Variants in NOL4L observed in about 807,000 individuals in gnomAD.
NOL4L encodes the protein nucleolar protein 4-like.
In NOL4L, 7 loss-of-function variants were observed where a neutral mutation model predicts 64.5. The observed-to-expected ratio is 0.11, with a 90% CI of 0.06 to 0.20. NOL4L has a LOEUF of 0.20. Among genes scored for constraint, NOL4L ranks in the 10% least tolerant of loss-of-function variants. The pLI, the probability that NOL4L is intolerant of heterozygous loss-of-function variation, is 1.00. For synonymous variants in NOL4L, 413 were observed against 401.0 expected (o/e 1.03, Z -0.36); for missense variants, 680 against 967.1 (o/e 0.70, Z 3.94).
chr20:32,568,350 G>A (rs550415919), intron 1 of NOL4L, among the ~76,000 whole-genome samples: 2 of 152,290 alleles, frequency 1.3e-5, no homozygotes, highest in Admixed American at 1.3e-4. Flanking sequence ...CTTTGTGCAG[G>A]GCAAAGCAGC....
rs561145292 is a variant in NOL4L, at chr20:32,523,629, C to T, written c.478-2707G>A. ...ACCCTGTTCTAGAAATAGACTCATACACTGAAGCCCAAAACATGAAACAGA... is the reference window on the plus strand; with the variant it reads ...ACCCTGTTCTAGAAATAGACTCATATACTGAAGCCCAAAACATGAAACAGA... On this transcript the variant is annotated intron_variant, in intron 2 of 10. Coordinates refer to ENST00000621426, the MANE Select transcript of NOL4L (RefSeq NM_001256798.2). Among the ~76,000 whole-genome samples, 4 of 152,306 alleles carry T rather than the reference C, an allele frequency of 2.6e-5. No individual in the cohort carries two copies. In the South Asian group the frequency reaches 8.3e-4, roughly 32 times the overall value.
In NOL4L at chr20:32,444,347, CA is replaced by C. The variant is rs1286730198; in HGVS notation, c.*3248del. On this transcript the variant is annotated 3_prime_UTR_variant, in exon 11 of 11. Coordinates refer to ENST00000621426, the MANE Select transcript of NOL4L (RefSeq NM_001256798.2). ...CTTTACTATTTTGTAAAAAGTTTTA[CA>C]AAAAATTACAAATTAAAAGTATCAA... 6.6e-6 allele frequency: 1 copy of C among 152,080 alleles called. No individual in the cohort carries two copies. The highest frequency in any genetic ancestry group is 1.5e-5 in the Non-Finnish European group (1 of 68,006). 9.4% of individuals were successfully genotyped at this position (152,080 alleles called of 1,614,324 possible).
In NOL4L at chr20:32,443,338, ACT is replaced by A. The variant is rs1439167316; in HGVS notation, c.*4256_*4257del. 6.6e-6 allele frequency: 1 copy of A among 152,244 alleles called. No homozygotes were observed. Among genetic ancestry groups the A allele is most frequent in the Non-Finnish European group, 1.5e-5 (1 of 68,048 alleles). The allele number at this position is 152,244 out of a possible 1,614,324, so 9.4% of individuals were successfully genotyped here. A position where few individuals can be genotyped will look rare whatever the true frequency, so the allele number is the denominator to read the frequency against. ...ATATTAAGCCACATTTACTGGTAAA[ACT>A]CACTATATAGAACACAAATAATTTT... On this transcript the variant is annotated 3_prime_UTR_variant, in exon 11 of 11. Transcript: ENST00000621426.
intron 2 of NOL4L, among the ~76,000 whole-genome samples, chr20:32,524,335 A>G (rs369058760): frequency 6.6e-6 from 1 of 152,110 alleles, no homozygotes; most frequent in Non-Finnish European, 1.5e-5. Flanking sequence ...GAATCCCTGC[A>G]TTATCCATTG....
At chr20:32,566,215 C>G (rs1418591224) in intron 1 of NOL4L, among the ~76,000 whole-genome samples, 1 of 152,170 alleles carries the variant, frequency 6.6e-6, no homozygotes, top group African/African-American at 2.4e-5. Flanking sequence ...GACACTGAAG[C>G]TCAGAGAGTG....
intron 4 of NOL4L, among the ~76,000 whole-genome samples, chr20:32,500,946 G>C (rs2016900070): frequency 6.6e-6 from 1 of 152,150 alleles, no homozygotes; most frequent in Non-Finnish European, 1.5e-5. Flanking sequence ...AAGTGGGGGA[G>C]GAGAAACAAA....
chr20:32,498,943 A>G (rs2016807585), intron 4 of NOL4L, among the ~76,000 whole-genome samples: 1 of 152,004 alleles, frequency 6.6e-6, no homozygotes, highest in Non-Finnish European at 1.5e-5. Context: ...GCAGTGGTGC[A>G]ATCTCAGCTC....
At chr20:32,467,555 G>T (rs987997500) in intron 5 of NOL4L, among the ~76,000 whole-genome samples, 1 of 152,220 alleles carries the variant, frequency 6.6e-6, no homozygotes, top group Admixed American at 6.5e-5. Flanking sequence ...AGGGGACCAA[G>T]GGAGACCAGG....
intron 2 of NOL4L, among the ~76,000 whole-genome samples, chr20:32,524,766 G>T (rs2018068685): frequency 6.6e-6 from 1 of 152,194 alleles, no homozygotes; most frequent in African/African-American, 2.4e-5. Context: ...TGGGGCTGAA[G>T]AGCTAGGTAT....
chr20:32,473,088 A>G (rs372868059), intron 5 of NOL4L, among the ~76,000 whole-genome samples: 2 of 152,306 alleles, frequency 1.3e-5, no homozygotes, highest in African/African-American at 4.8e-5. Context: ...TCCAAGAGAG[A>G]TCACGCTCTC....
Position 32,444,464 on chromosome 20 carries a change from A to G in NOL4L, c.*3132T>C, listed in dbSNP as rs2012247869. ...TTGTAAGTGGCCCTTGGGAATAGGG[A>G]TGGATGGGTTCCACCTGTTTGAAAT... On this transcript the variant is annotated 3_prime_UTR_variant, in exon 11 of 11. Coordinates refer to ENST00000621426, the MANE Select transcript of NOL4L (RefSeq NM_001256798.2). 2 of 152,198 alleles carry G rather than the reference A, an allele frequency of 1.3e-5. No individual in the cohort carries two copies. The highest frequency in any genetic ancestry group is 1.3e-4 in the Admixed American group (2 of 15,278). The allele number at this position is 152,198 out of a possible 1,614,324, so 9.4% of individuals were successfully genotyped here.
intron 10 of NOL4L, among the ~76,000 whole-genome samples, chr20:32,451,237 A>G (rs1339800028): frequency 2.0e-5 from 3 of 152,200 alleles, no homozygotes; most frequent in African/African-American, 7.2e-5. Flanking sequence ...ACGACCCCCA[A>G]AGCACATGGC....
intron 4 of NOL4L, among the ~76,000 whole-genome samples, chr20:32,504,567 A>AAG (rs1555799783): frequency 3.3e-5 from 5 of 151,422 alleles, no homozygotes; most frequent in South Asian, 2.1e-4. Flanking sequence ...CAAAAAAAAA[A>AAG]AAAGAAAGAA....
At chr20:32,521,689 G>A (rs112796358) in intron 2 of NOL4L, among the ~76,000 whole-genome samples, 5 of 152,302 alleles carry the variant, frequency 3.3e-5, no homozygotes, top group African/African-American at 1.2e-4. Flanking sequence ...GGGTGGGGGA[G>A]TGGGGAAGAA....
chr20:32,584,101 C>CG (rs1340152048), intron 1 of NOL4L, among the ~76,000 whole-genome samples: 3 of 141,314 alleles, frequency 2.1e-5, no homozygotes, highest in Admixed American at 1.4e-4. Context: ...TCCCTCCCCC[C>CG]CCCCCACCCC....
intron 4 of NOL4L, among the ~76,000 whole-genome samples, chr20:32,483,931 G>A (rs1411873395): frequency 1.3e-5 from 2 of 150,926 alleles, no homozygotes; most frequent in Non-Finnish European, 3.0e-5. Flanking sequence ...CGCTCTTAAG[G>A]GGGAAGCGCT....
At chr20:32,532,044 G>A (rs1036366573) in intron 1 of NOL4L, among the ~76,000 whole-genome samples, 1 of 152,220 alleles carries the variant, frequency 6.6e-6, no homozygotes, top group African/African-American at 2.4e-5. Context: ...CATGTGGCCT[G>A]TCTCTTCCCA....
intron 1 of NOL4L, chr20:32,548,493 C>T (rs1484198208): frequency 6.5e-6 from 1 of 154,948 alleles, no homozygotes; most frequent in African/African-American, 2.4e-5. Flanking sequence ...TCGGATAGAT[C>T]ATGTGAACTG....
In NOL4L at chr20:32,453,319, C is replaced by T. The variant is rs2013126348; in HGVS notation, c.1482G>A (p.Lys494=). 1.2e-6 allele frequency: 2 copies of T among 1,613,734 alleles called. No homozygotes were observed. Among genetic ancestry groups the T allele is most frequent in the South Asian group, 1.1e-5 (1 of 91,072 alleles). Residue 494 remains lysine (K), a synonymous_variant, in exon 8 of 11, where the codon AAG becomes AAA. Coordinates refer to ENST00000621426, the MANE Select transcript of NOL4L (RefSeq NM_001256798.2). This position sits in a 1 kb window ranked among gnomAD's most constrained non-coding sequence, Gnocchi z 5.6. ...GGGGACTCACCATCTCCATGCCGTT[C>T]TTCTTCATGCGACGGCAGGACTTGA... The part of the protein sequence containing the change: ...TYLKSCRRMK[K]NGMEMTRPTP...
Sources: gnomAD v4.1 joint callset for allele counts (sites outside exome capture counted in the v4.1 genomes callset) on GRCh38, gnomAD v4.1.1 for gene constraint, Gnocchi (gnomAD v3.1) non-coding constraint, MANE v1.5 for transcripts, NCBI Gene and HGNC (gene_info 2026-07-23, HGNC 2026-07-21) for gene names.